SETD2: variants seen among roughly 807,000 people sequenced by gnomAD.
SETD2 encodes the protein SET domain containing 2, histone lysine methyltransferase.
A neutral mutation model predicts 242.1 loss-of-function variants in SETD2; 31 were observed. That is an observed-to-expected ratio of 0.13 (90% CI 0.10 to 0.17). SETD2 has a LOEUF of 0.17. Ranked by LOEUF, SETD2 falls within the 10% of genes least tolerant of loss-of-function variation. The probability of loss-of-function intolerance (pLI) is 1.00; values close to 1 mark genes in which losing one functional copy is unlikely to be tolerated. For missense variants in SETD2, 2,481 were observed against 3,046.3 expected (o/e 0.81, Z 4.37); for synonymous variants, 1,006 against 1,066.5 (o/e 0.94, Z 1.11).
chr3:47,114,538 ACTT>A lies in SETD2; in HGVS notation c.4587-537_4587-535del, dbSNP rs571313444. ...AAATGATAAAATCGAACACTGATTG[ACTT>A]CTTAATATGTGATAGATATAAAGGT... is the stretch of plus-strand genomic sequence containing the variant. On this transcript the variant is annotated intron_variant, in intron 4 of 20. Transcript: ENST00000409792. Among the ~76,000 whole-genome samples, 12 of 152,292 alleles carry A rather than the reference ACTT, an allele frequency of 7.9e-5. No homozygotes were observed. The South Asian group carries it at 2.3e-3, about 29-fold the overall frequency.
At chr3:47,112,098 G>A (rs2042675558) in intron 5 of SETD2, among the ~76,000 whole-genome samples, 1 of 147,400 alleles carries the variant, frequency 6.8e-6, no homozygotes, top group Non-Finnish European at 1.5e-5. Context: ...AGAGGCACTT[G>A]ACCTTCATTA....
intron 16 of SETD2, 98 bp from the exon 17 acceptor site, chr3:47,042,798 T>C: frequency 9.6e-7 from 1 of 1,038,144 alleles, no homozygotes. Context: ...AATGTACATC[T>C]ACCTCCTCTT....
intron 1 of SETD2, among the ~76,000 whole-genome samples, chr3:47,155,230 G>A (rs1480240886): frequency 2.0e-5 from 3 of 151,820 alleles, no homozygotes; most frequent in East Asian, 3.8e-4. Flanking sequence ...GTAATAGTAG[G>A]GTTACAAATG....
intron 16 of SETD2, 39 bp downstream of exon 16, chr3:47,046,448 A>G (rs1458865870): frequency 4.0e-6 from 6 of 1,507,756 alleles, no homozygotes; most frequent in Middle Eastern, 3.6e-4. Context: ...AAGACAAAGT[A>G]GACAGCCAAT....
At chr3:47,120,031 A>G in intron 3 of SETD2, 151 bp downstream of exon 3, 1 of 682,944 alleles carries the variant, frequency 1.5e-6, no homozygotes, top group Non-Finnish European at 2.3e-6. Context: ...TCAAATCTAA[A>G]TAGGTAAAAA....
At chr3:47,148,038 T>C (rs1353206254) in intron 1 of SETD2, among the ~76,000 whole-genome samples, 4 of 152,114 alleles carry the variant, frequency 2.6e-5, no homozygotes, top group Non-Finnish European at 4.4e-5. Context: ...ATTGGTGGGC[T>C]AAAAATATAT....
At chr3:47,078,402 AC>A (rs1488398188) in intron 12 of SETD2, among the ~76,000 whole-genome samples, 1 of 152,140 alleles carries the variant, frequency 6.6e-6, no homozygotes, top group Non-Finnish European at 1.5e-5. Context: ...ATTCAAAAAT[AC>A]TTTAAAATGT....
At chr3:47,111,809 C>T (rs1220987188) in intron 5 of SETD2, among the ~76,000 whole-genome samples, 2 of 149,330 alleles carry the variant, frequency 1.3e-5, no homozygotes, top group Non-Finnish European at 3.0e-5. Context: ...TGTCATAAAA[C>T]TAAATTATTG....
intron 19 of SETD2, 117 bp downstream of exon 19, chr3:47,019,643 A>G: frequency 2.4e-6 from 2 of 837,550 alleles, no homozygotes; most frequent in South Asian, 3.0e-5. Flanking sequence ...CACAAGGAAC[A>G]CCTTGTGTTC....
chr3:47,073,512 T>C (rs1299172915), intron 12 of SETD2, among the ~76,000 whole-genome samples: 1 of 151,832 alleles, frequency 6.6e-6, no homozygotes, highest in Non-Finnish European at 1.5e-5. Context: ...TTCATAAAAA[T>C]CACATACATG....
chr3:47,060,377 TAA>T (rs931957957), intron 14 of SETD2, among the ~76,000 whole-genome samples: 38 of 151,906 alleles, frequency 2.5e-4, no homozygotes, highest in African/African-American at 9.2e-4. Flanking sequence ...TAAAGAAGAG[TAA>T]AAGTCTGAGA....
chr3:47,047,692 C>G (rs928710258), intron 15 of SETD2, among the ~76,000 whole-genome samples: 3 of 152,154 alleles, frequency 2.0e-5, no homozygotes, highest in Non-Finnish European at 4.4e-5. Context: ...ATTTGGTATT[C>G]TGGATCAGCT....
Position 47,016,617 on chromosome 3 carries a change from C to G in SETD2, c.*476G>C. Reference sequence around the variant, plus strand: ...AACCTTGCAGGAGAACTTAAACTGTCCTTACAAAGTCTTCCTGTGATCCTA... The same window carrying G: ...AACCTTGCAGGAGAACTTAAACTGTGCTTACAAAGTCTTCCTGTGATCCTA... On this transcript the variant is annotated 3_prime_UTR_variant, in exon 21 of 21. Coordinates refer to ENST00000409792, the MANE Select transcript of SETD2 (RefSeq NM_014159.7). The G allele has an allele frequency of 4.3e-6, 1 of 234,652 alleles. No homozygotes were observed. The allele number at this position is 234,652 out of a possible 1,614,324, so 14.5% of individuals were successfully genotyped here.
chr3:47,041,216 A>G (rs2039263451), intron 17 of SETD2: 2 of 247,312 alleles, frequency 8.1e-6, no homozygotes, highest in Admixed American at 1.1e-4. Flanking sequence ...CTACTCTGTC[A>G]TTGTAGTGTG....
intron 1 of SETD2, chr3:47,138,347 G>A: frequency 9.2e-6 from 2 of 218,576 alleles, no homozygotes; most frequent in Admixed American, 4.6e-5. Context: ...TCAGCTCACT[G>A]CAACCTCCAC....
Position 47,123,906 on chromosome 3 carries a change from T to C in SETD2, c.730A>G (p.Ile244Val), listed in dbSNP as rs1184200918. 3 of 1,552,056 alleles carry C rather than the reference T, an allele frequency of 1.9e-6. No individual in the cohort carries two copies. Among genetic ancestry groups the C allele is most frequent in the South Asian group, 1.2e-5 (1 of 84,056 alleles). Residue 244 changes from isoleucine (I) to valine (V), a missense_variant, in exon 3 of 21, where the codon ATA (isoleucine) becomes GTA (valine). Around this residue, in one of 17 missense-constraint regions of SETD2, gnomAD observed 334 missense variants for 374.5 expected, o/e 0.89. Transcript: ENST00000409792. ...AVRSLKEPPIIIVPESLEADT... is the reference protein window; with the variant it reads ...AVRSLKEPPIVIVPESLEADT... ...GCTTCTAAAGATTCTGGTACAATTATAATTGGTGGTTCTTTCAGAGATCTA... is the reference window on the plus strand; with the variant it reads ...GCTTCTAAAGATTCTGGTACAATTACAATTGGTGGTTCTTTCAGAGATCTA...
At chr3:47,098,811 A>G (rs1478704336) in intron 8 of SETD2, among the ~76,000 whole-genome samples, 1 of 152,136 alleles carries the variant, frequency 6.6e-6, no homozygotes, top group Admixed American at 6.5e-5. Flanking sequence ...AATAATAATA[A>G]TAATAATTGA....
rs753817699 is a variant in SETD2 at position 47,084,070 on chromosome 3, C to T, written c.5710G>A (p.Asp1904Asn). 1 of 1,614,210 alleles carries T rather than the reference C, an allele frequency of 6.2e-7. No individual in the cohort carries two copies. The highest frequency in any genetic ancestry group is 1.1e-5 in the South Asian group (1 of 91,084). The change falls in exon 12 of 21, where the codon GAT becomes AAT. Residue 1904 changes from aspartate (D) to asparagine (N), a missense_variant. By Grantham distance (23) the Asp-to-Asn change is conservative. This residue lies in a region of SETD2 where 203 missense variants were observed against 222.4 expected (regional missense o/e 0.91). Coordinates refer to ENST00000409792, the MANE Select transcript of SETD2 (RefSeq NM_014159.7). ...SDATSELEGK[D>N]GKEDLDQLEN... ...AATTGATCAAGATCCTCTTTGCCAT[C>T]CTTGCCTTCTAGCTCACTGGTTGCA...
At chr3:47,124,871 A>C (rs1283129201) in intron 2 of SETD2, among the ~76,000 whole-genome samples, 1 of 152,308 alleles carries the variant, frequency 6.6e-6, no homozygotes, top group African/African-American at 2.4e-5. Flanking sequence ...GAATTTTTTA[A>C]AAACCTGACA....
Sources: allele counts gnomAD v4.1 joint callset (sites outside exome capture counted in the v4.1 genomes callset), GRCh38; gene constraint gnomAD v4.1.1; regional missense constraint gnomAD v4.1.1; transcripts MANE v1.5; gene names NCBI Gene and HGNC (gene_info 2026-07-23, HGNC 2026-07-21).